Variants in RYR2 observed in about 807,000 individuals in gnomAD.
RYR2 encodes the protein cardiac muscle ryanodine receptor-calcium release channel.
Under a neutral mutation model 601.1 loss-of-function variants are expected in RYR2, and 227 were observed. The ratio of observed to expected loss-of-function variants is 0.38; its 90% CI spans 0.34 to 0.42. The LOEUF is 0.42. RYR2 is among the 10% of genes least tolerant of loss of function. The probability of loss-of-function intolerance (pLI) is 1.00; values close to 1 mark genes in which losing one functional copy is unlikely to be tolerated. For missense variants in RYR2, 4,646 were observed against 6,156.5 expected, an observed-to-expected ratio of 0.75 and a Z score of 8.21; for synonymous variants, 2,223 against 2,175.1, an observed-to-expected ratio of 1.02 and a Z score of -0.61.
At chr1:237,718,744 T>A (rs1399562694) in intron 73 of RYR2, among the ~76,000 whole-genome samples, 1 of 152,128 alleles carries the variant, frequency 6.6e-6, no homozygotes, top group Non-Finnish European at 1.5e-5. Context: ...TTGGAAAAAA[T>A]ATATGTCATC....
intron 16 of RYR2, among the ~76,000 whole-genome samples, chr1:237,462,617 C>G (rs544516587): frequency 6.6e-6 from 1 of 152,298 alleles, no homozygotes; most frequent in East Asian, 1.9e-4. Context: ...TAGATTGCTG[C>G]TCTTTGAGTA....
intron 1 of RYR2, among the ~76,000 whole-genome samples, chr1:237,049,088 G>A (rs1379854914): frequency 1.3e-5 from 2 of 152,140 alleles, no homozygotes; most frequent in Non-Finnish European, 2.9e-5. Flanking sequence ...GCTTTGGGAG[G>A]CCGCAGTGGC....
rs1663953785 is a variant in RYR2 at position 237,832,799 on chromosome 1, GT to G, written c.*155del. 4 of 529,498 alleles carry G rather than the reference GT, an allele frequency of 7.6e-6. No homozygotes were observed. The allele number at this position is 529,498 out of a possible 1,614,324, so 32.8% of individuals were successfully genotyped here. ...ATCGAAGCTCTGTTTCGGAAGAGCTGTTTCCTCCCCCCACCTTTTGTATTTA... is the reference window on the plus strand; with the variant it reads ...ATCGAAGCTCTGTTTCGGAAGAGCTGTTCCTCCCCCCACCTTTTGTATTTA... On this transcript the variant is annotated 3_prime_UTR_variant, in exon 105 of 105. Coordinates refer to ENST00000366574, the MANE Select transcript of RYR2 (RefSeq NM_001035.3).
chr1:237,294,117 C>A (rs1692511126), intron 2 of RYR2, among the ~76,000 whole-genome samples: 1 of 152,098 alleles, frequency 6.6e-6, no homozygotes. Context: ...GAACTAGGGT[C>A]AAAGACCAAA....
chr1:237,064,755 T>A (rs56744323), intron 1 of RYR2, among the ~76,000 whole-genome samples: 49 of 1,962 alleles, frequency 0.025, no homozygotes, highest in Non-Finnish European at 0.064. Context: ...ACCTGTCTTT[T>A]TTTTTTTTTT....
intron 1 of RYR2, among the ~76,000 whole-genome samples, chr1:237,155,732 T>C (rs1438359060): frequency 6.6e-6 from 1 of 152,174 alleles, no homozygotes; most frequent in Non-Finnish European, 1.5e-5. Context: ...CTCATTGGGA[T>C]GAATGGGAAT....
intron 102 of RYR2, among the ~76,000 whole-genome samples, chr1:237,828,742 AG>A (rs1663438152): frequency 6.6e-6 from 1 of 152,224 alleles, no homozygotes. Flanking sequence ...AGATGATTAC[AG>A]AGCAGTGTGG....
At chr1:237,146,712 T>C (rs1158998053) in intron 1 of RYR2, among the ~76,000 whole-genome samples, 1 of 152,228 alleles carries the variant, frequency 6.6e-6, no homozygotes, top group African/African-American at 2.4e-5. Context: ...GCCAGTTTTC[T>C]TTCACTTGGA....
At chr1:237,113,791 T>G (rs1170591958) in intron 1 of RYR2, among the ~76,000 whole-genome samples, 2 of 152,192 alleles carry the variant, frequency 1.3e-5, no homozygotes, top group Non-Finnish European at 2.9e-5. Flanking sequence ...GTTAGAGAGA[T>G]GAACTTAGAT....
At chr1:237,609,371 C>T (rs1351216097) in intron 35 of RYR2, among the ~76,000 whole-genome samples, 2 of 143,252 alleles carry the variant, frequency 1.4e-5, no homozygotes, top group Admixed American at 7.0e-5. Flanking sequence ...CCCTTCCCCC[C>T]TTCCCTTTTC....
At chr1:237,598,056 A>T (rs567661034) in intron 34 of RYR2, among the ~76,000 whole-genome samples, 2 of 152,342 alleles carry the variant, frequency 1.3e-5, no homozygotes, top group African/African-American at 4.8e-5. Context: ...GACTTAATTC[A>T]AAAAATGTAA....
intron 2 of RYR2, among the ~76,000 whole-genome samples, chr1:237,317,053 T>G (rs1271243051): frequency 3.3e-5 from 5 of 152,206 alleles, no homozygotes; most frequent in Non-Finnish European, 5.9e-5. Context: ...CACAAAAGGC[T>G]GATGATTGTG....
chr1:237,064,743 G>T (rs1572505412), intron 1 of RYR2, among the ~76,000 whole-genome samples: 1 of 82,146 alleles, frequency 1.2e-5, no homozygotes, highest in Non-Finnish European at 2.6e-5. Context: ...GTTTTTACTA[G>T]AACCTGTCTT....
At chr1:237,423,288 C>T (rs760606084) in intron 12 of RYR2, 40 bp downstream of exon 12, 3 of 1,589,390 alleles carry the variant, frequency 1.9e-6, no homozygotes, top group South Asian at 1.1e-5. Context: ...TAAATGTTAC[C>T]CGGTCATATT....
chr1:237,257,648 G>T (rs571549956), intron 1 of RYR2, among the ~76,000 whole-genome samples: 2 of 152,288 alleles, frequency 1.3e-5, no homozygotes, highest in Admixed American at 6.5e-5. Context: ...TTCATGCAGT[G>T]TGCGTGCTTC....
At chr1:237,627,760 G>C in intron 40 of RYR2, 47 bp from the exon 41 acceptor site, 1 of 1,506,610 alleles carries the variant, frequency 6.6e-7, no homozygotes, top group Non-Finnish European at 8.9e-7. Context: ...CAACTGATTT[G>C]TCTTCTCTTA....
intron 97 of RYR2, among the ~76,000 whole-genome samples, chr1:237,801,538 T>G (rs1659968481): frequency 1.4e-5 from 1 of 72,990 alleles, no homozygotes. Context: ...TGCAACTCTG[T>G]CTCAAAAAAA....
intron 79 of RYR2, among the ~76,000 whole-genome samples, chr1:237,738,813 A>G (rs1204217930): frequency 2.0e-5 from 3 of 152,064 alleles, no homozygotes; most frequent in African/African-American, 4.8e-5. Context: ...TTGAATGCCT[A>G]TTCTTATCCA....
intron 17 of RYR2, among the ~76,000 whole-genome samples, chr1:237,484,663 C>T (rs187326931): frequency 6.6e-6 from 1 of 152,198 alleles, no homozygotes; most frequent in Non-Finnish European, 1.5e-5. Flanking sequence ...TTTGTTCAAC[C>T]TCAGACAGCC....
Sources: gnomAD v4.1 joint callset for allele counts (sites outside exome capture counted in the v4.1 genomes callset) on GRCh38, gnomAD v4.1.1 for gene constraint, MANE v1.5 for transcripts, NCBI Gene and HGNC (gene_info 2026-07-23, HGNC 2026-07-21) for gene names.